NBAS: variants seen among roughly 807,000 people sequenced by gnomAD.
NBAS encodes NBAS subunit of NRZ tethering complex.
A neutral mutation model predicts 302.5 loss-of-function variants in NBAS; 219 were observed. That is an observed-to-expected ratio of 0.72 (90% CI 0.65 to 0.81). The LOEUF (loss-of-function observed/expected upper bound fraction) is 0.81. Among genes scored for constraint, NBAS ranks in the 30% least tolerant of loss-of-function variants. The pLI is 0.00. For synonymous variants in NBAS, 1,118 were observed against 1,021.6 expected, an observed-to-expected ratio of 1.09 and a Z score of -1.80; for missense variants, 2,932 against 2,841.6, an observed-to-expected ratio of 1.03 and a Z score of -0.72.
chr2:15,151,145 G>A, the NBAS span, among the ~76,000 whole-genome samples: 1 of 152,208 alleles, frequency 6.6e-6, no homozygotes, highest in African/African-American at 2.4e-5. Context: ...GGAATTCTCT[G>A]TTGTGCCCTT....
At chr2:15,177,706 T>C (rs1664615675) in intron 51 of NBAS, among the ~76,000 whole-genome samples, 1 of 152,162 alleles carries the variant, frequency 6.6e-6, no homozygotes, top group Non-Finnish European at 1.5e-5. Flanking sequence ...AAGAAAAAAC[T>C]GGCTAAGAAA....
At chr2:14,971,535 A>T in the NBAS span, among the ~76,000 whole-genome samples, 2 of 152,042 alleles carry the variant, frequency 1.3e-5, no homozygotes, top group East Asian at 1.9e-4. Context: ...AATAAATAAA[A>T]AATAAAACTG....
chr2:15,186,602 G>T, intron 50 of NBAS, 140 bp downstream of exon 50: 2 of 1,258,630 alleles, frequency 1.6e-6, no homozygotes, highest in Non-Finnish European at 2.3e-6. Context: ...TTCTTCATCT[G>T]ATCCATCAGA....
At chr2:15,366,774 C>T (rs1176837241) in intron 31 of NBAS, 81 bp from the exon 32 acceptor site, 7 of 1,294,718 alleles carry the variant, frequency 5.4e-6, no homozygotes, top group African/African-American at 2.9e-5. Context: ...GCAAGGCATC[C>T]AAAGAAAATG....
chr2:15,174,883 T>G (rs916263486), intron 51 of NBAS, among the ~76,000 whole-genome samples: 2 of 152,372 alleles, frequency 1.3e-5, no homozygotes, highest in Admixed American at 6.5e-5. Context: ...TTATAGTACT[T>G]GGCAAAGAGG....
At chr2:15,308,382 A>G in intron 39 of NBAS, 29 bp from the exon 40 acceptor site, 4 of 1,611,528 alleles carry the variant, frequency 2.5e-6, no homozygotes, top group Non-Finnish European at 3.4e-6. Flanking sequence ...GAATTAACTC[A>G]GCTGAAAGGA....
At chr2:15,253,809 G>A (rs1031914382) in intron 44 of NBAS, among the ~76,000 whole-genome samples, 4 of 152,062 alleles carry the variant, frequency 2.6e-5, no homozygotes, top group Non-Finnish European at 5.9e-5. Flanking sequence ...GACTCCAATG[G>A]AGACCACCTT....
At chr2:14,831,319 G>A in the NBAS span, among the ~76,000 whole-genome samples, 1 of 152,108 alleles carries the variant, frequency 6.6e-6, no homozygotes, top group East Asian at 1.9e-4. Flanking sequence ...GTAACTCAAT[G>A]ATCATTACTA....
the NBAS span, among the ~76,000 whole-genome samples, chr2:14,949,778 G>C: frequency 5.4e-4 from 82 of 152,236 alleles, no homozygotes; most frequent in Non-Finnish European, 8.8e-4. Context: ...TTTGTTAAGA[G>C]AAATAAGCCA....
chr2:15,332,242 G>C (rs78109068), intron 35 of NBAS, among the ~76,000 whole-genome samples: 1 of 152,088 alleles, frequency 6.6e-6, no homozygotes, highest in Non-Finnish European at 1.5e-5. Flanking sequence ...CAGCCTTGTC[G>C]GCACCTTGAT....
At chr2:15,538,912 T>C (rs1663656887) in intron 7 of NBAS, among the ~76,000 whole-genome samples, 1 of 152,212 alleles carries the variant, frequency 6.6e-6, no homozygotes, top group Admixed American at 6.5e-5. Flanking sequence ...TTCCAACTCC[T>C]CTTGAAGTTG....
chr2:15,557,578 A>G (rs1201995794), intron 2 of NBAS, among the ~76,000 whole-genome samples: 1 of 152,230 alleles, frequency 6.6e-6, no homozygotes, highest in Non-Finnish European at 1.5e-5. Context: ...CTGTAATTTT[A>G]TCAGAAGATA....
In NBAS at chr2:15,326,241, A is replaced by G. The variant is rs1188798963; in HGVS notation, c.4582+1509T>C. Among the ~76,000 whole-genome samples the G allele has an allele frequency of 2.6e-5, 4 of 152,250 alleles. No individual in the cohort carries two copies. In the East Asian group the frequency reaches 7.7e-4, roughly 29 times the overall value. On this transcript the variant is annotated intron_variant, in intron 38 of 51. Transcript: ENST00000281513. ...GCAGTGTTGAAAAAATGGTTCTGAT[A>G]GACTTGCTTGACATAGCGTTGCCAT...
the NBAS span, among the ~76,000 whole-genome samples, chr2:14,895,679 G>T: frequency 6.6e-6 from 1 of 150,960 alleles, no homozygotes. Context: ...GGTGGAGCTT[G>T]CAGTGAGCTG....
At chr2:15,113,710 C>A in the NBAS span, among the ~76,000 whole-genome samples, 1 of 151,800 alleles carries the variant, frequency 6.6e-6, no homozygotes, top group Non-Finnish European at 1.5e-5. Context: ...TCTTTAGTAC[C>A]AACTCTTTAA....
At chr2:15,143,500 G>A in the NBAS span, among the ~76,000 whole-genome samples, 383 of 152,304 alleles carry the variant, frequency 2.5e-3, 4 homozygotes, top group Non-Finnish European at 4.2e-3. Context: ...ACAAGGGCAT[G>A]TCTGTGAGAT....
At chr2:15,234,059 G>T (rs1355522864) in intron 46 of NBAS, among the ~76,000 whole-genome samples, 1 of 152,110 alleles carries the variant, frequency 6.6e-6, no homozygotes, top group Non-Finnish European at 1.5e-5. Context: ...TCGGTTTTAT[G>T]CCATTAATTG....
chr2:15,091,810 G>A, the NBAS span, among the ~76,000 whole-genome samples: 1 of 152,186 alleles, frequency 6.6e-6, no homozygotes, highest in East Asian at 1.9e-4. Flanking sequence ...TGGAATTACA[G>A]GTATGAGCTA....
chr2:14,843,947 A>G, the NBAS span, among the ~76,000 whole-genome samples: 1 of 152,040 alleles, frequency 6.6e-6, no homozygotes, highest in East Asian at 1.9e-4. Context: ...CGGGCCCTAA[A>G]TTAACTTGAA....
Sources: gnomAD v4.1 joint callset for allele counts (sites outside exome capture counted in the v4.1 genomes callset) on GRCh38, gnomAD v4.1.1 for gene constraint, MANE v1.5 for transcripts, NCBI Gene and HGNC (gene_info 2026-07-23, HGNC 2026-07-21) for gene names.